SUGCT: variants seen among roughly 807,000 people sequenced by gnomAD.
SUGCT encodes succinyl-CoA:glutarate CoA-transferase.
In SUGCT, 41 loss-of-function variants were observed where a neutral mutation model predicts 55.0. The observed-to-expected ratio is 0.74, with a 90% CI of 0.58 to 0.97. The LOEUF is 0.97. SUGCT is among the 50% of genes least tolerant of loss of function. The probability of loss-of-function intolerance (pLI) is 0.00; values close to 1 mark genes in which losing one functional copy is unlikely to be tolerated. For missense variants in SUGCT, 568 were observed against 547.8 expected (o/e 1.04, Z -0.37); for synonymous variants, 187 against 200.4 (o/e 0.93, Z 0.56).
At chr7:40,331,353 T>G (rs1221470947) in intron 9 of SUGCT, among the ~76,000 whole-genome samples, 1 of 152,196 alleles carries the variant, frequency 6.6e-6, no homozygotes, top group Non-Finnish European at 1.5e-5. Flanking sequence ...TTGCTAGAGA[T>G]AGCAGCACAT....
At chr7:40,586,604 T>G (rs1257402912) in intron 12 of SUGCT, among the ~76,000 whole-genome samples, 1 of 152,110 alleles carries the variant, frequency 6.6e-6, no homozygotes, top group Non-Finnish European at 1.5e-5. Context: ...AATTTGGGAT[T>G]AGTTTCAAGA....
chr7:40,445,979 G>A (rs2151422185), intron 9 of SUGCT, among the ~76,000 whole-genome samples: 1 of 152,024 alleles, frequency 6.6e-6, no homozygotes, highest in East Asian at 1.9e-4. Context: ...ATGTTTACTG[G>A]TTTGTTTTAA....
chr7:40,829,462 A>G (rs1792540516), intron 13 of SUGCT, among the ~76,000 whole-genome samples: 1 of 152,228 alleles, frequency 6.6e-6, no homozygotes, highest in South Asian at 2.1e-4. Flanking sequence ...GCCTGCCATC[A>G]ATTGCAAAGT....
chr7:41,007,232 T>C, the SUGCT span, among the ~76,000 whole-genome samples: 1 of 152,296 alleles, frequency 6.6e-6, no homozygotes, highest in South Asian at 2.1e-4. Context: ...AGGATGGGTC[T>C]CCTTTCTCAA....
intron 1 of SUGCT, among the ~76,000 whole-genome samples, chr7:40,142,929 A>G (rs1368171194): frequency 2.0e-5 from 3 of 152,184 alleles, no homozygotes; most frequent in South Asian, 2.1e-4. Context: ...AGTTTATCCA[A>G]TCTACATTTT....
chr7:40,741,536 G>A (rs1339707893), intron 12 of SUGCT, among the ~76,000 whole-genome samples: 1 of 152,156 alleles, frequency 6.6e-6, no homozygotes, highest in African/African-American at 2.4e-5. Context: ...AGTGATTAAG[G>A]AAAATTATTT....
At chr7:40,278,182 T>C (rs1270718248) in intron 8 of SUGCT, among the ~76,000 whole-genome samples, 2 of 152,106 alleles carry the variant, frequency 1.3e-5, no homozygotes, top group Non-Finnish European at 2.9e-5. Context: ...GAAAAAATGC[T>C]CATCATTGGC....
chr7:40,187,258 G>A (rs1307294155), intron 3 of SUGCT, among the ~76,000 whole-genome samples: 3 of 152,194 alleles, frequency 2.0e-5, no homozygotes, highest in African/African-American at 7.2e-5. Context: ...ACACAGGAAG[G>A]GGAATATCAC....
At chr7:40,748,407 A>G (rs1787842172) in intron 12 of SUGCT, among the ~76,000 whole-genome samples, 1 of 151,996 alleles carries the variant, frequency 6.6e-6, no homozygotes, top group African/African-American at 2.4e-5. Flanking sequence ...TTATGATTGT[A>G]TATGATTGTT....
chr7:40,922,005 A>G, the SUGCT span, among the ~76,000 whole-genome samples: 1 of 152,334 alleles, frequency 6.6e-6, no homozygotes, highest in African/African-American at 2.4e-5. Flanking sequence ...CAGATTCAAA[A>G]GAGACACCAG....
chr7:40,939,139 C>T, the SUGCT span, among the ~76,000 whole-genome samples: 1 of 152,004 alleles, frequency 6.6e-6, no homozygotes. Flanking sequence ...GGAAGCCTCA[C>T]AATTATGGAG....
intron 13 of SUGCT, among the ~76,000 whole-genome samples, chr7:40,841,683 A>G (rs528399939): frequency 1.8e-4 from 27 of 152,296 alleles, no homozygotes; most frequent in African/African-American, 6.3e-4. Context: ...TTCATTACCT[A>G]TGCTGGATTG....
chr7:40,711,693 C>A (rs1051979130), intron 12 of SUGCT, among the ~76,000 whole-genome samples: 1 of 152,206 alleles, frequency 6.6e-6, no homozygotes, highest in South Asian at 2.1e-4. Context: ...GTTCGCTGCT[C>A]CCTATGGAAC....
At chr7:40,271,610 T>C (rs925613286) in intron 7 of SUGCT, among the ~76,000 whole-genome samples, 1 of 152,118 alleles carries the variant, frequency 6.6e-6, no homozygotes, top group Non-Finnish European at 1.5e-5. Context: ...ATTCCATACA[T>C]TAATATAATC....
chr7:40,303,725 A>G (rs1015007241), intron 8 of SUGCT, among the ~76,000 whole-genome samples: 19 of 152,184 alleles, frequency 1.2e-4, no homozygotes, highest in Admixed American at 5.9e-4. Flanking sequence ...AGAAAGGGGA[A>G]CAGTCTAAGG....
intron 12 of SUGCT, among the ~76,000 whole-genome samples, chr7:40,737,635 A>G (rs1164835110): frequency 6.6e-6 from 1 of 152,242 alleles, no homozygotes; most frequent in Admixed American, 6.5e-5. Context: ...CATCTGGCAT[A>G]TAAATTGGTA....
chr7:40,622,399 A>AC (rs1218274368), intron 12 of SUGCT, among the ~76,000 whole-genome samples: 2 of 152,080 alleles, frequency 1.3e-5, no homozygotes. Context: ...TCAAGCTCTC[A>AC]CTGGTGGTAA....
intron 6 of SUGCT, among the ~76,000 whole-genome samples, chr7:40,231,682 G>A (rs2150860655): frequency 6.6e-6 from 1 of 152,292 alleles, no homozygotes; most frequent in Non-Finnish European, 1.5e-5. Flanking sequence ...CAAAGAGTAG[G>A]TAGTAACCAA....
intron 9 of SUGCT, among the ~76,000 whole-genome samples, chr7:40,438,406 A>G (rs750831804): frequency 3.3e-5 from 5 of 152,062 alleles, no homozygotes; most frequent in Non-Finnish European, 7.4e-5. Flanking sequence ...TTATTTTCTC[A>G]GTCTTGTAAA....
Sources: allele counts gnomAD v4.1 joint callset (sites outside exome capture counted in the v4.1 genomes callset), GRCh38; gene constraint gnomAD v4.1.1; transcripts MANE v1.5; gene names NCBI Gene and HGNC (gene_info 2026-07-23, HGNC 2026-07-21).